Variants in LINGO2 observed in about 807,000 individuals in gnomAD.
LINGO2 encodes the protein leucine rich repeat and Ig domain containing 2.
A neutral mutation model predicts 30.6 loss-of-function variants in LINGO2; 14 were observed. The observed-to-expected ratio is 0.46, with a 90% CI of 0.30 to 0.72. The LOEUF is 0.72. Among genes scored for constraint, LINGO2 ranks in the 30% least tolerant of loss-of-function variants. The pLI, the probability that LINGO2 is intolerant of heterozygous loss-of-function variation, is 0.07. For missense variants in LINGO2, 729 were observed against 751.7 expected, an observed-to-expected ratio of 0.97 and a Z score of 0.35; for synonymous variants, 317 against 288.5, an observed-to-expected ratio of 1.10 and a Z score of -1.00.
At chr9:28,204,453 T>C (rs918074621) in intron 4 of LINGO2, among the ~76,000 whole-genome samples, 2 of 152,188 alleles carry the variant, frequency 1.3e-5, no homozygotes, top group Non-Finnish European at 2.9e-5. Context: ...TTCTATTTTG[T>C]ATTATCTTTT....
chr9:28,185,538 C>A (rs6476041), intron 4 of LINGO2, among the ~76,000 whole-genome samples: 7,213 of 152,182 alleles, frequency 0.047, 210 homozygotes, highest in African/African-American at 0.081. Context: ...CACGGTAATT[C>A]TATTTCATCA....
chr9:28,074,829 G>A (rs1825577770), intron 4 of LINGO2, among the ~76,000 whole-genome samples: 1 of 151,852 alleles, frequency 6.6e-6, no homozygotes, highest in Admixed American at 6.6e-5. Flanking sequence ...TATTTTGATG[G>A]TTTTATTTTA....
intron 2 of LINGO2, among the ~76,000 whole-genome samples, chr9:28,406,144 T>G (rs750533672): frequency 6.6e-6 from 1 of 152,158 alleles, no homozygotes; most frequent in Non-Finnish European, 1.5e-5. Flanking sequence ...CATTCGAGAT[T>G]TCTGGAATGT....
At chr9:28,998,799 A>G in the LINGO2 span, among the ~76,000 whole-genome samples, 1 of 152,082 alleles carries the variant, frequency 6.6e-6, no homozygotes, top group Non-Finnish European at 1.5e-5. Context: ...GCTTTTAAAA[A>G]CAGGAATTCT....
intron 4 of LINGO2, among the ~76,000 whole-genome samples, chr9:28,085,074 A>G (rs542890866): frequency 6.6e-6 from 1 of 152,284 alleles, no homozygotes; most frequent in Non-Finnish European, 1.5e-5. Flanking sequence ...ATTACAGATG[A>G]GAACTCAGAG....
intron 2 of LINGO2, among the ~76,000 whole-genome samples, chr9:28,421,447 T>G (rs1389829463): frequency 1.3e-5 from 2 of 151,000 alleles, no homozygotes; most frequent in African/African-American, 4.9e-5. Context: ...CTAAAATTCA[T>G]TTGGAATTTC....
the LINGO2 span, among the ~76,000 whole-genome samples, chr9:29,199,647 TA>T: frequency 6.6e-6 from 1 of 152,118 alleles, no homozygotes; most frequent in Non-Finnish European, 1.5e-5. Flanking sequence ...ACTTTCATAT[TA>T]AATAGATTTA....
intron 4 of LINGO2, among the ~76,000 whole-genome samples, chr9:28,056,316 T>C (rs1474922462): frequency 1.3e-5 from 2 of 152,150 alleles, no homozygotes; most frequent in Non-Finnish European, 2.9e-5. Context: ...TTTGCTGACA[T>C]TTTGCATTTA....
chr9:28,447,528 G>C (rs1824473565), intron 2 of LINGO2, among the ~76,000 whole-genome samples: 1 of 152,260 alleles, frequency 6.6e-6, no homozygotes. Context: ...CATTATAGCA[G>C]CCCAGGTGGA....
the LINGO2 span, among the ~76,000 whole-genome samples, chr9:28,822,837 CCTGA>C: frequency 2.0e-5 from 3 of 152,014 alleles, no homozygotes; most frequent in Admixed American, 6.6e-5. Flanking sequence ...TCCAGAGAAC[CCTGA>C]CTAATACATA....
the LINGO2 span, among the ~76,000 whole-genome samples, chr9:28,682,592 T>C: frequency 2.6e-5 from 4 of 152,112 alleles, no homozygotes; most frequent in African/African-American, 9.7e-5. Flanking sequence ...AATTTCACGA[T>C]TATAGATGTA....
At chr9:28,939,962 A>C in the LINGO2 span, among the ~76,000 whole-genome samples, 2 of 152,178 alleles carry the variant, frequency 1.3e-5, no homozygotes, top group Admixed American at 1.3e-4. Context: ...GTGGCTGTTT[A>C]ATTTGTCAAT....
chr9:28,079,481 C>T (rs190360417), intron 4 of LINGO2, among the ~76,000 whole-genome samples: 1 of 152,228 alleles, frequency 6.6e-6, no homozygotes, highest in East Asian at 1.9e-4. Context: ...CTTTATAAAA[C>T]TACTTTATCG....
intron 2 of LINGO2, among the ~76,000 whole-genome samples, chr9:28,451,093 T>C (rs992618826): frequency 1.3e-5 from 2 of 151,938 alleles, no homozygotes; most frequent in African/African-American, 2.4e-5. Context: ...GTGTGTCAAA[T>C]TGTTTAACAA....
chr9:28,210,862 T>C (rs963684501), intron 4 of LINGO2, among the ~76,000 whole-genome samples: 2 of 151,496 alleles, frequency 1.3e-5, no homozygotes, highest in African/African-American at 4.8e-5. Flanking sequence ...AGGGCAAATA[T>C]CACATAACCA....
chr9:29,056,305 G>C, the LINGO2 span, among the ~76,000 whole-genome samples: 1 of 152,056 alleles, frequency 6.6e-6, no homozygotes, highest in African/African-American at 2.4e-5. Flanking sequence ...GAAGGAGTAA[G>C]GTGGTATCAC....
the LINGO2 span, among the ~76,000 whole-genome samples, chr9:28,880,148 G>T: frequency 2.6e-5 from 4 of 151,976 alleles, no homozygotes; most frequent in Non-Finnish European, 2.9e-5. Context: ...TCGCTCTGTC[G>T]CCAAGGCTGG....
chr9:28,445,324 G>A (rs1167644867), intron 2 of LINGO2, among the ~76,000 whole-genome samples: 1 of 152,118 alleles, frequency 6.6e-6, no homozygotes, highest in East Asian at 1.9e-4. Context: ...AAGGGCTGGA[G>A]ATACATGGTC....
In LINGO2 at chr9:28,396,667, G is replaced by A. The variant is rs185348279; in HGVS notation, c.-278-23799C>T. ...TGCAGTGAGCCGAGATCACGCCACT[G>A]CACTCCAGCCTGGGTGACAGAGCGA... On this transcript the variant is annotated intron_variant, in intron 2 of 5. Transcript: ENST00000379992. 5.5e-3 allele frequency among the ~76,000 whole-genome samples: 706 copies of A among 128,616 alleles called. 4 individuals carry two copies. The highest frequency in any genetic ancestry group is 0.013 in the Middle Eastern group (2 of 154). The allele number at this position is 128,616 out of a possible 152,430, so 84.4% of individuals were successfully genotyped here.
Sources: gnomAD v4.1 joint callset for allele counts (sites outside exome capture counted in the v4.1 genomes callset) on GRCh38, gnomAD v4.1.1 for gene constraint, MANE v1.5 for transcripts, NCBI Gene and HGNC (gene_info 2026-07-23, HGNC 2026-07-21) for gene names.